Variants in DAB1 observed in about 807,000 individuals in gnomAD.
DAB1 encodes disabled homolog 1.
In DAB1, 15 loss-of-function variants were observed where a neutral mutation model predicts 64.6. The ratio of observed to expected loss-of-function variants is 0.23; its 90% CI spans 0.16 to 0.36. The LOEUF is 0.36. Among genes scored for constraint, DAB1 ranks in the 10% least tolerant of loss-of-function variants. The probability of loss-of-function intolerance (pLI) is 1.00; values close to 1 mark genes in which losing one functional copy is unlikely to be tolerated. For synonymous variants in DAB1, 235 were observed against 251.9 expected, an observed-to-expected ratio of 0.93 and a Z score of 0.64; for missense variants, 596 against 706.7, an observed-to-expected ratio of 0.84 and a Z score of 1.78.
chr1:57,762,054 G>A (rs1346741709), intron 6 of DAB1, among the ~76,000 whole-genome samples: 2 of 152,150 alleles, frequency 1.3e-5, no homozygotes, highest in Non-Finnish European at 1.5e-5. Context: ...TTAAATCTCT[G>A]ATCTCAAGCC....
chr1:58,097,046 T>C (rs1475580612), intron 5 of DAB1, among the ~76,000 whole-genome samples: 1 of 152,226 alleles, frequency 6.6e-6, no homozygotes, highest in African/African-American at 2.4e-5. Context: ...TCCAGCAATT[T>C]ACCCTTAACC....
At chr1:57,317,254 G>A (rs775271630) in intron 1 of DAB1, among the ~76,000 whole-genome samples, 52 of 152,278 alleles carry the variant, frequency 3.4e-4, no homozygotes, top group Non-Finnish European at 5.1e-4. Flanking sequence ...GATCCATCCC[G>A]GGTGAGCCTC....
intron 1 of DAB1, among the ~76,000 whole-genome samples, chr1:57,368,270 C>T (rs1015827804): frequency 2.2e-4 from 33 of 152,186 alleles, no homozygotes; most frequent in East Asian, 9.7e-4. Flanking sequence ...GTGCCATGAA[C>T]GGCAGCAGGA....
intron 5 of DAB1, among the ~76,000 whole-genome samples, chr1:58,106,366 T>A (rs1055784405): frequency 1.4e-4 from 21 of 152,094 alleles, no homozygotes; most frequent in Admixed American, 1.4e-3. Context: ...AAGTTTTTGG[T>A]AGAGACAGGG....
At chr1:57,180,723 C>T (rs190226460) in intron 2 of DAB1, among the ~76,000 whole-genome samples, 21 of 152,184 alleles carry the variant, frequency 1.4e-4, no homozygotes, top group South Asian at 2.1e-4. Context: ...CACAACCTTC[C>T]GTAATGACCC....
chr1:58,498,736 G>A (rs936861480), intron 3 of DAB1, among the ~76,000 whole-genome samples: 1 of 152,076 alleles, frequency 6.6e-6, no homozygotes, highest in Non-Finnish European at 1.5e-5. Context: ...TCATTAATGA[G>A]TTAAATAAAA....
Position 57,957,978 on chromosome 1 carries a change from C to A in DAB1, n.388-73816G>T, listed in dbSNP as rs887626153. Among the ~76,000 whole-genome samples, 15 of 151,784 alleles carry A rather than the reference C, an allele frequency of 9.9e-5. No individual in the cohort carries two copies. In the East Asian group the frequency reaches 2.9e-3, roughly 29 times the overall value. ...ACTGTAAGTTGTTGAAATTCTTGTT[C>A]CAGGATGATGTGCTTTTTTTTTTTT... On this transcript the variant is annotated intron_variant and non_coding_transcript_variant, in intron 5 of 20. Transcript: ENST00000485760.
chr1:58,487,623 T>C (rs1645597747), intron 3 of DAB1, among the ~76,000 whole-genome samples: 1 of 152,222 alleles, frequency 6.6e-6, no homozygotes, highest in African/African-American at 2.4e-5. Flanking sequence ...TGCTAATTTA[T>C]TATGACTCTA....
intron 1 of DAB1, among the ~76,000 whole-genome samples, chr1:58,544,350 A>C (rs1441558593): frequency 6.6e-6 from 1 of 152,236 alleles, no homozygotes. Context: ...AGAACAAAAC[A>C]GATTTTAAAA....
In DAB1 at chr1:57,731,383, C is replaced by G. The variant is rs193206962; in HGVS notation, n.552-81718G>C. 6.4e-3 allele frequency among the ~76,000 whole-genome samples: 977 copies of G among 152,062 alleles called. 9 individuals are homozygous for G. Among genetic ancestry groups the G allele is most frequent in the African/African-American group, 0.022 (929 of 41,456 alleles). On this transcript the variant is annotated intron_variant and non_coding_transcript_variant, in intron 6 of 20. Transcript: ENST00000485760. ...TCAGTTAGGGAAGATGAAAAATGTT[C>G]TGGAGTTGGAAGGTGGTGATGGTCA...
chr1:58,061,455 G>C (rs1648497927), intron 5 of DAB1, among the ~76,000 whole-genome samples: 1 of 152,094 alleles, frequency 6.6e-6, no homozygotes, highest in African/African-American at 2.4e-5. Context: ...GGCACTGCTT[G>C]GCTTTTAGAA....
intron 2 of DAB1, among the ~76,000 whole-genome samples, chr1:57,288,884 C>T (rs928978925): frequency 6.6e-6 from 1 of 152,064 alleles, no homozygotes; most frequent in African/African-American, 2.4e-5. Flanking sequence ...ATTTTATTTG[C>T]CTTATTTTCA....
chr1:57,382,151 G>T (rs1233831710), intron 1 of DAB1, among the ~76,000 whole-genome samples: 2 of 152,168 alleles, frequency 1.3e-5, no homozygotes, highest in Non-Finnish European at 2.9e-5. Context: ...GAACCAGTGA[G>T]ATTTACCGTG....
At chr1:57,535,470 C>CTTTT (rs11358277) in intron 7 of DAB1, among the ~76,000 whole-genome samples, 1 of 130,494 alleles carries the variant, frequency 7.7e-6, no homozygotes, top group Non-Finnish European at 1.6e-5. Context: ...GTTGGACATT[C>CTTTT]TTTTTTTTTT....
intron 9 of DAB1, among the ~76,000 whole-genome samples, chr1:57,035,910 T>C (rs1024974907): frequency 6.8e-6 from 1 of 147,648 alleles, no homozygotes; most frequent in South Asian, 2.2e-4. Context: ...TGGTACAATG[T>C]TGGCTCACTG....
intron 4 of DAB1, among the ~76,000 whole-genome samples, chr1:57,126,303 C>A (rs1269369776): frequency 1.3e-5 from 2 of 152,108 alleles, no homozygotes; most frequent in East Asian, 3.9e-4. Flanking sequence ...ACCAATCAGT[C>A]ATTGAAGCGT....
chr1:58,306,014 C>T (rs2100467971), intron 4 of DAB1, among the ~76,000 whole-genome samples: 1 of 151,798 alleles, frequency 6.6e-6, no homozygotes, highest in Non-Finnish European at 1.5e-5. Flanking sequence ...TATAGTCCTC[C>T]TCCTATGAAG....
chr1:57,942,461 A>G (rs1431738081), intron 5 of DAB1, among the ~76,000 whole-genome samples: 1 of 152,212 alleles, frequency 6.6e-6, no homozygotes, highest in East Asian at 1.9e-4. Flanking sequence ...AGTGTTGGTA[A>G]GTATGTGAGA....
chr1:57,984,675 A>G (rs1355983770), intron 5 of DAB1, among the ~76,000 whole-genome samples: 1 of 152,208 alleles, frequency 6.6e-6, no homozygotes, highest in Non-Finnish European at 1.5e-5. Flanking sequence ...CAATTAGCTC[A>G]ACAGATTCTG....
Sources: allele counts gnomAD v4.1 joint callset (sites outside exome capture counted in the v4.1 genomes callset), GRCh38; gene constraint gnomAD v4.1.1; transcripts MANE v1.5; gene names NCBI Gene and HGNC (gene_info 2026-07-23, HGNC 2026-07-21).